AK5: variants seen among roughly 807,000 people sequenced by gnomAD.
AK5 encodes the protein adenylate kinase isoenzyme 5.
A neutral mutation model predicts 69.5 loss-of-function variants in AK5; 27 were observed. That is an observed-to-expected ratio of 0.39 (90% CI 0.29 to 0.54). AK5 has a LOEUF of 0.54. Ranked by LOEUF, AK5 falls within the 20% of genes least tolerant of loss-of-function variation. The pLI, the probability that AK5 is intolerant of heterozygous loss-of-function variation, is 0.71. For missense variants in AK5, 531 were observed against 700.4 expected (o/e 0.76, Z 2.73); for synonymous variants, 260 against 244.4 (o/e 1.06, Z -0.60).
At chr1:77,351,317 C>G (rs1415224998) in intron 6 of AK5, among the ~76,000 whole-genome samples, 1 of 152,036 alleles carries the variant, frequency 6.6e-6, no homozygotes, top group African/African-American at 2.4e-5. Flanking sequence ...ATCACTTGAG[C>G]CCAGGAGATG....
chr1:77,450,570 C>T (rs533203562), intron 8 of AK5, among the ~76,000 whole-genome samples: 27 of 152,216 alleles, frequency 1.8e-4, no homozygotes, highest in South Asian at 8.3e-4. Flanking sequence ...TATCATTATC[C>T]CCAAGGTCAC....
At chr1:77,328,899 T>C (rs1323766686) in intron 5 of AK5, among the ~76,000 whole-genome samples, 3 of 152,198 alleles carry the variant, frequency 2.0e-5, no homozygotes, top group Non-Finnish European at 4.4e-5. Flanking sequence ...TTATGGTTCT[T>C]GAGGCTGGGA....
At chr1:77,530,772 CAA>C (rs1210693415) in intron 12 of AK5, among the ~76,000 whole-genome samples, 2 of 152,060 alleles carry the variant, frequency 1.3e-5, no homozygotes, top group African/African-American at 4.8e-5. Flanking sequence ...TTATTCTCAA[CAA>C]AGAGTTCCTG....
intron 6 of AK5, among the ~76,000 whole-genome samples, chr1:77,397,290 C>T (rs775301971): frequency 6.6e-6 from 1 of 152,166 alleles, no homozygotes; most frequent in African/African-American, 2.4e-5. Context: ...ACGTACCCAC[C>T]GCCTGGCCCC....
chr1:77,282,033 C>CT lies in AK5; in HGVS notation c.-280dup, dbSNP rs1319670065. 2 of 317,352 alleles carry CT rather than the reference C, an allele frequency of 6.3e-6. No individual in the cohort carries two copies. The highest frequency in any genetic ancestry group is 5.1e-5 in the Admixed American group (1 of 19,784). 19.7% of individuals were successfully genotyped at this position (317,352 alleles called of 1,614,324 possible). On this transcript the variant is annotated 5_prime_UTR_variant, in exon 1 of 14. Transcript: ENST00000354567. ...GCCCCACCCCTGGCGGCCGCGCTGC[C>CT]TGGCAGCCCGGGAAGCCGCGGCACA...
At chr1:77,282,513 C>T (rs1399107370) in intron 1 of AK5, 140 bp downstream of exon 1, 1 of 1,383,940 alleles carries the variant, frequency 7.2e-7, no homozygotes, top group Non-Finnish European at 9.4e-7. Context: ...CTCGCCCGCT[C>T]CCCCGAGGGT....
intron 11 of AK5, among the ~76,000 whole-genome samples, chr1:77,520,349 A>G (rs1171429719): frequency 1.3e-5 from 2 of 152,174 alleles, no homozygotes; most frequent in Non-Finnish European, 2.9e-5. Flanking sequence ...TCTTTGAAAC[A>G]TTTATCAAAG....
intron 10 of AK5, among the ~76,000 whole-genome samples, chr1:77,516,748 G>A (rs769462828): frequency 1.6e-4 from 24 of 151,958 alleles, no homozygotes; most frequent in Admixed American, 1.2e-3. Flanking sequence ...GTGTTAGTTG[G>A]ACATGACAGT....
At chr1:77,545,470 T>A in intron 13 of AK5, among the ~76,000 whole-genome samples, 1 of 152,246 alleles carries the variant, frequency 6.6e-6, no homozygotes, top group East Asian at 1.9e-4. Flanking sequence ...CTACAGTTTA[T>A]TCAACTAGGT....
At chr1:77,398,723 T>A (rs1045847600) in intron 6 of AK5, among the ~76,000 whole-genome samples, 1 of 152,292 alleles carries the variant, frequency 6.6e-6, no homozygotes, top group East Asian at 1.9e-4. Context: ...CTTTACCAAG[T>A]CATTTCAAAG....
At chr1:77,346,201 G>A (rs548450079) in intron 6 of AK5, 2 of 152,250 alleles carry the variant, frequency 1.3e-5, no homozygotes, top group Admixed American at 6.5e-5. Flanking sequence ...GTGGACCAAA[G>A]TGGACCATGC....
chr1:77,391,487 GTGTGTGTGTA>G (rs1246987402), intron 6 of AK5, among the ~76,000 whole-genome samples: 13 of 89,490 alleles, frequency 1.5e-4, no homozygotes, highest in South Asian at 7.1e-4. Flanking sequence ...GTGTGTATGT[GTGTGTGTGTA>G]TATATATATA....
At chr1:77,320,120 C>A (rs572777141) in intron 5 of AK5, among the ~76,000 whole-genome samples, 1 of 152,202 alleles carries the variant, frequency 6.6e-6, no homozygotes, top group South Asian at 2.1e-4. Flanking sequence ...TTTCACAGGG[C>A]GGCAGGAAGA....
chr1:77,304,549 G>T (rs963214688), intron 5 of AK5, among the ~76,000 whole-genome samples: 2 of 151,928 alleles, frequency 1.3e-5, no homozygotes, highest in Non-Finnish European at 2.9e-5. Flanking sequence ...CAGTTTACAG[G>T]CATGCACCAC....
chr1:77,313,967 G>A (rs138486378), intron 5 of AK5: 2 of 471,138 alleles, frequency 4.2e-6, no homozygotes, highest in Middle Eastern at 3.3e-4. Flanking sequence ...ATGAAGTACA[G>A]AGCTGGCTAT....
chr1:77,402,800 T>G (rs1284703659), intron 6 of AK5, among the ~76,000 whole-genome samples: 86 of 152,094 alleles, frequency 5.7e-4, no homozygotes, highest in African/African-American at 1.2e-3. Context: ...TAGTCCTTTG[T>G]GTATATACCC....
intron 5 of AK5, among the ~76,000 whole-genome samples, chr1:77,300,077 G>A (rs1659246675): frequency 6.6e-6 from 1 of 152,154 alleles, no homozygotes; most frequent in Non-Finnish European, 1.5e-5. Context: ...GAAAGCTAAG[G>A]TGGTGTATCA....
At chr1:77,294,838 G>A (rs1389390116) in intron 3 of AK5, among the ~76,000 whole-genome samples, 1 of 151,932 alleles carries the variant, frequency 6.6e-6, no homozygotes, top group African/African-American at 2.4e-5. Flanking sequence ...GACCAGCCTG[G>A]TCAACATAGT....
intron 5 of AK5, among the ~76,000 whole-genome samples, chr1:77,337,823 A>G (rs1208228396): frequency 2.6e-5 from 4 of 152,234 alleles, no homozygotes; most frequent in Non-Finnish European, 4.4e-5. Context: ...CAAACAACGA[A>G]TAGAAGGCAG....
Sources: allele counts gnomAD v4.1 joint callset (sites outside exome capture counted in the v4.1 genomes callset), GRCh38; gene constraint gnomAD v4.1.1; transcripts MANE v1.5; gene names NCBI Gene and HGNC (gene_info 2026-07-23, HGNC 2026-07-21).